The following ITPRIPL2 variants were observed in gnomAD, a reference collection of about 807,000 sequenced individuals.
ITPRIPL2 encodes ITPRIP like 2.
Under a neutral mutation model 31.7 loss-of-function variants are expected in ITPRIPL2, and 29 were observed. The observed-to-expected ratio is 0.91, with a 90% CI of 0.68 to 1.25. ITPRIPL2 has a LOEUF of 1.25. Ranked by LOEUF, ITPRIPL2 falls within the 50% of genes most tolerant of loss-of-function variation. The pLI, the probability that ITPRIPL2 is intolerant of heterozygous loss-of-function variation, is 0.00. For synonymous variants in ITPRIPL2, 344 were observed against 343.4 expected (o/e 1.00, Z -0.02); for missense variants, 696 against 739.1 (o/e 0.94, Z 0.68).
In ITPRIPL2 at chr16:19,114,644, T is replaced by C; in HGVS notation, c.183T>C (p.Tyr61=). The change falls in exon 1 of 1, where the codon TAT becomes TAC. Residue 61 remains tyrosine (Y), a synonymous_variant. Transcript: ENST00000381440. ...TGGCCGTCCTGCTCCTCCTCAGCTA[T>C]GTCCTCCTGCGCTGTCGCCACGCTG... The part of the protein sequence containing the change: ...LKVAVLLLLS[Y]VLLRCRHAVR... The C allele has an allele frequency of 6.2e-7, 1 of 1,605,890 alleles. No homozygotes were observed. The highest frequency in any genetic ancestry group is 1.1e-5 in the South Asian group (1 of 90,468).
At position 19,120,625 on chromosome 16, in the gene ITPRIPL2, A is replaced by ATATATATATATATAT. The variant is rs1248708235; in HGVS notation, c.*4557_*4558insATATATATATATATT. ...CTAATATATATATATATATATATAT[A>ATATATATATATATAT]TTTTTTTTTTTTTTTTTTAGTAGAG... is the stretch of plus-strand genomic sequence containing the variant. On this transcript the variant is annotated 3_prime_UTR_variant, in exon 1 of 1. Transcript: ENST00000381440. The ATATATATATATATAT allele has an allele frequency of 1.1e-5, 1 of 92,190 alleles. No individual in the cohort carries two copies. Among genetic ancestry groups the ATATATATATATATAT allele is most frequent in the African/African-American group, 5.0e-5 (1 of 20,008 alleles). 5.7% of individuals were successfully genotyped at this position (92,190 alleles called of 1,614,324 possible). A position where few individuals can be genotyped will look rare whatever the true frequency, so the allele number is the denominator to read the frequency against.
rs766581155 is a variant in ITPRIPL2 at position 19,115,704 on chromosome 16, C to A, written c.1243C>A (p.Leu415Met). 3 of 1,612,964 alleles carry A rather than the reference C, an allele frequency of 1.9e-6. No homozygotes were observed. The East Asian group carries it at 6.7e-5, about 36-fold the overall frequency. ...GCTCAAGACAGTGCTGCTGGCAGTGCTGCTGCGCAAGGGGGCCCCTGGGCA... is the reference window on the plus strand; with the variant it reads ...GCTCAAGACAGTGCTGCTGGCAGTGATGCTGCGCAAGGGGGCCCCTGGGCA... Reference protein sequence around the residue: ...YVLKTVLLAVLLRKGAPGQGW... With the variant: ...YVLKTVLLAVMLRKGAPGQGW... Residue 415 changes from leucine (L) to methionine (M), a missense_variant, in exon 1 of 1, where the codon CTG (leucine) becomes ATG (methionine). Physicochemically the swap from Leu to Met is conservative, Grantham distance 15 (BLOSUM62 2). Transcript: ENST00000381440.
chr16:19,115,501 G>A lies in ITPRIPL2; in HGVS notation c.1040G>A (p.Trp347Ter), dbSNP rs1232481563. The change falls in exon 1 of 1, where the codon TGG becomes TAG. Residue 347 changes from tryptophan to a stop codon, truncating the protein, a stop_gained. Transcript: ENST00000381440. LOFTEE classifies it high-confidence loss of function. ...LPEGLRAEAL[W>*]GVNTARQEQK... ...GAGGGCCTGCGTGCGGAGGCACTGTGGGGTGTGAACACAGCACGCCAGGAG... is the reference window on the plus strand; with the variant it reads ...GAGGGCCTGCGTGCGGAGGCACTGTAGGGTGTGAACACAGCACGCCAGGAG... 1 of 1,605,922 alleles carries A rather than the reference G, an allele frequency of 6.2e-7. No homozygotes were observed. The highest frequency in any genetic ancestry group is 8.5e-7 in the Non-Finnish European group (1 of 1,179,722).
rs1567552691 is a variant in ITPRIPL2 at position 19,120,600 on chromosome 16, C to CT, written c.*4532dup. The CT allele has an allele frequency of 8.4e-6, 1 of 118,636 alleles. No individual in the cohort carries two copies. Among genetic ancestry groups the CT allele is most frequent in the African/African-American group, 3.6e-5 (1 of 28,012 alleles). 7.3% of individuals were successfully genotyped at this position (118,636 alleles called of 1,614,324 possible). On this transcript the variant is annotated 3_prime_UTR_variant, in exon 1 of 1. Transcript: ENST00000381440. Reference sequence around the variant, plus strand: ...TACAGGCACCTGCCACCACGCCTGGCTAATATATATATATATATATATATA... The same window carrying CT: ...TACAGGCACCTGCCACCACGCCTGGCTTAATATATATATATATATATATATA...
chr16:19,114,221 G>T lies in ITPRIPL2; in HGVS notation c.-241G>T. ...GCTGGGCCGGACTCAGCGCGCAGCC[G>T]GGGCAGGGCGCGGCCCGGGGCCCGA... On this transcript the variant is annotated 5_prime_UTR_variant, in exon 1 of 1. Transcript: ENST00000381440. 1 of 323,000 alleles carries T rather than the reference G, an allele frequency of 3.1e-6. No individual in the cohort carries two copies. Among genetic ancestry groups the T allele is most frequent in the South Asian group, 1.4e-4 (1 of 7,074 alleles). 20.0% of individuals were successfully genotyped at this position (323,000 alleles called of 1,614,324 possible). A position where few individuals can be genotyped will look rare whatever the true frequency, so the allele number is the denominator to read the frequency against.
chr16:19,114,425 C>G lies in ITPRIPL2; in HGVS notation c.-37C>G. On this transcript the variant is annotated 5_prime_UTR_variant, in exon 1 of 1. Coordinates refer to ENST00000381440, the MANE Select transcript of ITPRIPL2 (RefSeq NM_001034841.4). The stretch of plus-strand genomic sequence containing the variant: ...TTGGGTCGCCGCCGGGGCTTGCCCC[C>G]TGGGCTGCTCGGCCACCGCCGCCCC... 7.2e-7 allele frequency: 1 copy of G among 1,382,934 alleles called. No homozygotes were observed. The highest frequency in any genetic ancestry group is 9.3e-7 in the Non-Finnish European group (1 of 1,070,940). 85.7% of individuals were successfully genotyped at this position (1,382,934 alleles called of 1,614,324 possible).
Position 19,115,575 on chromosome 16 carries a change from T to A in ITPRIPL2, c.1114T>A (p.Tyr372Asn). 6.2e-7 allele frequency: 1 copy of A among 1,604,510 alleles called. No individual in the cohort carries two copies. ...LQERAAPGAC[Y>N]LKCLQLLKAL... is the part of the protein sequence containing the mutation. ...GGAACGGGCAGCTCCAGGTGCCTGC[T>A]ACCTCAAGTGCCTGCAGTTGCTTAA... Residue 372 changes from tyrosine to asparagine, a missense_variant, in exon 1 of 1, where the codon TAC (tyrosine) becomes AAC (asparagine). Coordinates refer to ENST00000381440, the MANE Select transcript of ITPRIPL2 (RefSeq NM_001034841.4).
rs1312776633 is a variant in ITPRIPL2 at position 19,115,064 on chromosome 16, G to C, written c.603G>C (p.Pro201=). Residue 201 remains proline (P), a synonymous_variant, in exon 1 of 1, where the codon CCG becomes CCC. Coordinates refer to ENST00000381440, the MANE Select transcript of ITPRIPL2 (RefSeq NM_001034841.4). The part of the protein sequence containing the change: ...RSLGEEPALA[P]AFRGCFLCAL... ...TGGGCGAGGAGCCAGCGCTGGCCCC[G>C]GCCTTCCGCGGCTGCTTCTTGTGCG... 16 of 1,598,502 alleles carry C rather than the reference G, an allele frequency of 1.0e-5. No homozygotes were observed. The highest frequency in any genetic ancestry group is 1.1e-5 in the Non-Finnish European group (13 of 1,179,246).
Position 19,115,040 on chromosome 16 carries a change from G to A in ITPRIPL2, c.579G>A (p.Leu193=). 6.3e-6 allele frequency: 10 copies of A among 1,597,714 alleles called. No homozygotes were observed. Among genetic ancestry groups the A allele is most frequent in the Non-Finnish European group, 8.5e-6 (10 of 1,178,886 alleles). ...PPLVALEPRS[L]GEEPALAPAF... ...TTGTGGCGCTGGAGCCACGGAGCCT[G>A]GGCGAGGAGCCAGCGCTGGCCCCGG... Residue 193 remains leucine, a synonymous_variant, in exon 1 of 1, where the codon CTG becomes CTA. Transcript: ENST00000381440.
chr16:19,115,365 C>T lies in ITPRIPL2; in HGVS notation c.904C>T (p.Arg302Cys). 1.9e-6 allele frequency: 3 copies of T among 1,613,330 alleles called. No individual in the cohort carries two copies. The highest frequency in any genetic ancestry group is 1.7e-6 in the Non-Finnish European group (2 of 1,179,986). ...CTGCCGCACTGACTACGGCTGCTGC[C>T]GCCTTTCTATGGCTGTGCGTCTCAT... ...LPCRTDYGCC[R>C]LSMAVRLIPA... Residue 302 changes from arginine to cysteine, a missense_variant, in exon 1 of 1, where the codon CGC (arginine) becomes TGC (cysteine). Physicochemically the swap from Arg to Cys is radical, Grantham distance 180 (BLOSUM62 -3). Coordinates refer to ENST00000381440, the MANE Select transcript of ITPRIPL2 (RefSeq NM_001034841.4).
rs746753685 is a variant in ITPRIPL2 at position 19,114,653 on chromosome 16, G to C, written c.192G>C (p.Leu64=). Residue 64 remains leucine, a synonymous_variant, in exon 1 of 1, where the codon CTG becomes CTC. Transcript: ENST00000381440. ...AVLLLLSYVL[L]RCRHAVRQRF... is the part of the protein sequence containing the mutation. The stretch of plus-strand genomic sequence containing the variant: ...TGCTCCTCCTCAGCTATGTCCTCCT[G>C]CGCTGTCGCCACGCTGTCCGGCAGC... 21 of 1,608,750 alleles carry C rather than the reference G, an allele frequency of 1.3e-5. No homozygotes were observed. In the Admixed American group the frequency reaches 3.5e-4, roughly 27 times the overall value.
At position 19,114,641 on chromosome 16, in the gene ITPRIPL2, C is replaced by T. The variant is rs868232179; in HGVS notation, c.180C>T (p.Ser60=). The T allele has an allele frequency of 2.5e-6, 4 of 1,604,778 alleles. No individual in the cohort carries two copies. The African/African-American group carries it at 4.0e-5, about 16-fold the overall frequency. ...AGGTGGCCGTCCTGCTCCTCCTCAG[C>T]TATGTCCTCCTGCGCTGTCGCCACG... The part of the protein sequence containing the change: ...LLKVAVLLLL[S]YVLLRCRHAV... The change falls in exon 1 of 1, where the codon AGC becomes AGT. Residue 60 remains serine (S), a synonymous_variant. Transcript: ENST00000381440.
Position 19,115,649 on chromosome 16 carries a change from C to T in ITPRIPL2, c.1188C>T (p.Thr396=), listed in dbSNP as rs143636110. ...GARGLDSAAA[T]QWGRILSSYV... ...GTGGGCTGGACTCAGCGGCCGCCAC[C>T]CAGTGGGGACGCATCCTATCCTCAT... Residue 396 remains threonine, a synonymous_variant, in exon 1 of 1, where the codon ACC becomes ACT. Transcript: ENST00000381440. The T allele has an allele frequency of 4.2e-5, 67 of 1,610,926 alleles. No homozygotes were observed. Among genetic ancestry groups the T allele is most frequent in the Non-Finnish European group, 5.2e-5 (61 of 1,179,354 alleles).
rs554217011 is a variant in ITPRIPL2 at position 19,121,128 on chromosome 16, A to G, written c.*5059A>G. On this transcript the variant is annotated 3_prime_UTR_variant, in exon 1 of 1. Transcript: ENST00000381440. ...TAGCACATGACTGGGGGGATAAAGC[A>G]TGTATAAGTTGGGAGAGGGTAAAGA... 1 of 166,878 alleles carries G rather than the reference A, an allele frequency of 6.0e-6. No homozygotes were observed. Among genetic ancestry groups the G allele is most frequent in the East Asian group, 1.9e-4 (1 of 5,174 alleles). 10.3% of individuals were successfully genotyped at this position (166,878 alleles called of 1,614,324 possible).
At position 19,118,238 on chromosome 16, in the gene ITPRIPL2, C is replaced by T. The variant is rs778858560; in HGVS notation, c.*2169C>T. ...CCAGCACTTTGGGAGGCGAGGTGGGCGGATCACCTGAGGTCAGGAGTTCAA... is the reference window on the plus strand; with the variant it reads ...CCAGCACTTTGGGAGGCGAGGTGGGTGGATCACCTGAGGTCAGGAGTTCAA... On this transcript the variant is annotated 3_prime_UTR_variant, in exon 1 of 1. Transcript: ENST00000381440. 1 of 166,148 alleles carries T rather than the reference C, an allele frequency of 6.0e-6. No individual in the cohort carries two copies. Among genetic ancestry groups the T allele is most frequent in the Non-Finnish European group, 1.5e-5 (1 of 67,898 alleles). 10.3% of individuals were successfully genotyped at this position (166,148 alleles called of 1,614,324 possible).
rs1963454447 is a variant in ITPRIPL2 at position 19,117,128 on chromosome 16, T to G, written c.*1059T>G. ...TTTTGTTTTAAGGTTTTTAGCAAAC[T>G]CCTTCACAAAGAGATTTCTTTCTGA... On this transcript the variant is annotated 3_prime_UTR_variant, in exon 1 of 1. Transcript: ENST00000381440. 6.0e-6 allele frequency: 1 copy of G among 167,134 alleles called. No homozygotes were observed. The highest frequency in any genetic ancestry group is 1.5e-5 in the Non-Finnish European group (1 of 68,130). The allele number at this position is 167,134 out of a possible 1,614,324, so 10.4% of individuals were successfully genotyped here. A position where few individuals can be genotyped will look rare whatever the true frequency, so the allele number is the denominator to read the frequency against.
Position 19,115,992 on chromosome 16 carries a change from G to T in ITPRIPL2, c.1531G>T (p.Gly511Trp). 1 of 1,612,620 alleles carries T rather than the reference G, an allele frequency of 6.2e-7. No individual in the cohort carries two copies. The highest frequency in any genetic ancestry group is 1.1e-5 in the South Asian group (1 of 91,018). ...GCTGCCCCAGCTTCTCCGGGCCTAC[G>T]GGGGTCCCCGCTACCTTGCCAGGTG... is the stretch of plus-strand genomic sequence containing the variant. ...QRLPQLLRAY[G>W]GPRYLARCPP... Residue 511 changes from glycine to tryptophan, a missense_variant, in exon 1 of 1, where the codon GGG (glycine) becomes TGG (tryptophan). Coordinates refer to ENST00000381440, the MANE Select transcript of ITPRIPL2 (RefSeq NM_001034841.4).
In ITPRIPL2 at chr16:19,120,836, C is replaced by T. The variant is rs1963511351; in HGVS notation, c.*4767C>T. The stretch of plus-strand genomic sequence containing the variant: ...TAGCAAACACTGTGAAGGAATTAAC[C>T]TAAGTGCTTCCAGAGCATCTCATGT... On this transcript the variant is annotated 3_prime_UTR_variant, in exon 1 of 1. Transcript: ENST00000381440. The T allele has an allele frequency of 6.0e-6, 1 of 166,706 alleles. No homozygotes were observed. Among genetic ancestry groups the T allele is most frequent in the South Asian group, 2.1e-4 (1 of 4,812 alleles). 10.3% of individuals were successfully genotyped at this position (166,706 alleles called of 1,614,324 possible).
In ITPRIPL2 at chr16:19,115,055, G is replaced by T. The variant is rs1368551058; in HGVS notation, c.594G>T (p.Ala198=). Reference sequence around the variant, plus strand: ...CACGGAGCCTGGGCGAGGAGCCAGCGCTGGCCCCGGCCTTCCGCGGCTGCT... The same window carrying T: ...CACGGAGCCTGGGCGAGGAGCCAGCTCTGGCCCCGGCCTTCCGCGGCTGCT... The part of the protein sequence containing the change: ...LEPRSLGEEP[A]LAPAFRGCFL... The change falls in exon 1 of 1, where the codon GCG becomes GCT. Residue 198 remains alanine, a synonymous_variant. Coordinates refer to ENST00000381440, the MANE Select transcript of ITPRIPL2 (RefSeq NM_001034841.4). 6 of 1,597,834 alleles carry T rather than the reference G, an allele frequency of 3.8e-6. No individual in the cohort carries two copies. Among genetic ancestry groups the T allele is most frequent in the Non-Finnish European group, 4.2e-6 (5 of 1,179,018 alleles).
Sources: gnomAD v4.1 joint callset for allele counts on GRCh38, gnomAD v4.1.1 for gene constraint, MANE v1.5 for transcripts, NCBI Gene and HGNC (gene_info 2026-07-23, HGNC 2026-07-21) for gene names.